The following TENM3 variants were observed in gnomAD, a reference collection of about 807,000 sequenced individuals.
TENM3 encodes teneurin-3.
TENM3 carries 63 observed loss-of-function variants against 255.1 expected under a neutral mutation model. That is an observed-to-expected ratio of 0.25 (90% CI 0.20 to 0.30). TENM3 has a LOEUF of 0.30. Ranked by LOEUF, TENM3 falls within the 10% of genes least tolerant of loss-of-function variation. TENM3 has a pLI of 1.00. For missense variants in TENM3, 2,929 were observed against 3,461.1 expected (o/e 0.85, Z 3.86); for synonymous variants, 1,306 against 1,322.3 (o/e 0.99, Z 0.27).
At chr4:182,719,229 TA>T (rs1313036987) in intron 13 of TENM3, among the ~76,000 whole-genome samples, 1 of 146,662 alleles carries the variant, frequency 6.8e-6, no homozygotes, top group African/African-American at 2.5e-5. Context: ...ATATTACCAG[TA>T]AAATAGAGTT....
At chr4:182,596,305 A>G (rs1445411625) in intron 3 of TENM3, among the ~76,000 whole-genome samples, 1 of 152,214 alleles carries the variant, frequency 6.6e-6, no homozygotes, top group Non-Finnish European at 1.5e-5. Context: ...TTCAACAAGT[A>G]TTTATTGAGT....
the TENM3 span, among the ~76,000 whole-genome samples, chr4:181,767,251 CAAAAAAAAA>C: frequency 4.0e-5 from 3 of 75,728 alleles, no homozygotes; most frequent in African/African-American, 1.5e-4. Context: ...GACTCCGTCT[CAAAAAAAAA>C]AAAAAAAAAA....
At chr4:182,662,198 A>G (rs1337198158) in intron 6 of TENM3, among the ~76,000 whole-genome samples, 1 of 152,208 alleles carries the variant, frequency 6.6e-6, no homozygotes, top group African/African-American at 2.4e-5. Flanking sequence ...AGGAATAACA[A>G]TAGCTTTGCG....
At chr4:182,082,477 A>T in the TENM3 span, among the ~76,000 whole-genome samples, 4 of 152,224 alleles carry the variant, frequency 2.6e-5, no homozygotes, top group Admixed American at 6.5e-5. Context: ...TTTCGCAATT[A>T]TCAACACACA....
chr4:181,856,437 T>C, the TENM3 span, among the ~76,000 whole-genome samples: 1 of 152,116 alleles, frequency 6.6e-6, no homozygotes, highest in Admixed American at 6.5e-5. Flanking sequence ...GTCAACCCAT[T>C]TGAGATTTTA....
intron 4 of TENM3, among the ~76,000 whole-genome samples, chr4:182,625,453 G>A (rs143643188): frequency 3.8e-4 from 58 of 152,282 alleles, no homozygotes; most frequent in Middle Eastern, 3.4e-3. Context: ...ATGATCTGAG[G>A]TGGAAAAGTT....
chr4:181,674,671 A>G, the TENM3 span, among the ~76,000 whole-genome samples: 1 of 152,174 alleles, frequency 6.6e-6, no homozygotes, highest in Admixed American at 6.5e-5. Flanking sequence ...ACAGTTGAGG[A>G]CACAGATGAT....
At chr4:181,535,095 G>A in the TENM3 span, among the ~76,000 whole-genome samples, 1 of 152,232 alleles carries the variant, frequency 6.6e-6, no homozygotes, top group Admixed American at 6.5e-5. Context: ...GTGTGTGGAT[G>A]TCTTAAGTAG....
intron 3 of TENM3, among the ~76,000 whole-genome samples, chr4:182,562,773 G>A (rs141418077): frequency 3.9e-5 from 6 of 152,146 alleles, no homozygotes; most frequent in East Asian, 1.9e-4. Flanking sequence ...AACATGGAGC[G>A]CAACTTCTCA....
intron 3 of TENM3, among the ~76,000 whole-genome samples, chr4:182,524,653 A>T (rs62337258): frequency 0.024 from 3,601 of 151,502 alleles, 48 homozygotes; most frequent in Middle Eastern, 0.041. Flanking sequence ...GAACCGTCAC[A>T]CCCGACCTGA....
upstream of TENM3, among the ~76,000 whole-genome samples, chr4:182,139,226 C>T (rs578034000): frequency 1.1e-4 from 17 of 152,206 alleles, no homozygotes; most frequent in East Asian, 1.7e-3. Flanking sequence ...GCACTGCCAA[C>T]GGGAGGAGAG....
chr4:182,486,381 AAAATATAGGG>A (rs1322304238), intron 3 of TENM3, among the ~76,000 whole-genome samples: 1 of 152,048 alleles, frequency 6.6e-6, no homozygotes, highest in Non-Finnish European at 1.5e-5. Flanking sequence ...AATAAACTTT[AAAATATAGGG>A]AAACAAGGAA....
At chr4:181,537,695 A>T in the TENM3 span, among the ~76,000 whole-genome samples, 8 of 152,234 alleles carry the variant, frequency 5.3e-5, no homozygotes, top group Non-Finnish European at 1.0e-4. Context: ...ACAAAGAACC[A>T]GATAAGCTAA....
At chr4:182,110,618 G>A in the TENM3 span, among the ~76,000 whole-genome samples, 4 of 152,126 alleles carry the variant, frequency 2.6e-5, no homozygotes, top group African/African-American at 4.8e-5. Context: ...GTGCCACTGC[G>A]CTGGACCAGT....
the TENM3 span, among the ~76,000 whole-genome samples, chr4:181,812,605 C>G: frequency 6.6e-6 from 1 of 152,178 alleles, no homozygotes; most frequent in Admixed American, 6.5e-5. Context: ...GCCAATTTCT[C>G]TGCCTTTCCT....
chr4:181,468,358 C>T, the TENM3 span, among the ~76,000 whole-genome samples: 1 of 152,130 alleles, frequency 6.6e-6, no homozygotes, highest in Non-Finnish European at 1.5e-5. Flanking sequence ...GTTTTATTCC[C>T]TTCCTTTATT....
the TENM3 span, among the ~76,000 whole-genome samples, chr4:181,737,539 G>T: frequency 6.6e-6 from 1 of 151,942 alleles, no homozygotes; most frequent in Non-Finnish European, 1.5e-5. Context: ...CTTCTTCAGG[G>T]GGAAAAAAAC....
At chr4:181,741,479 AG>A in the TENM3 span, among the ~76,000 whole-genome samples, 1 of 152,220 alleles carries the variant, frequency 6.6e-6, no homozygotes, top group East Asian at 1.9e-4. Context: ...AGTTAAAAAA[AG>A]GAGCCATATG....
chr4:182,286,902 G>A (rs548040008), intron 1 of TENM3, among the ~76,000 whole-genome samples: 5 of 152,208 alleles, frequency 3.3e-5, no homozygotes, highest in African/African-American at 7.2e-5. Context: ...CAGTCCAGAC[G>A]GAAACTCTTC....
Sources: allele counts gnomAD v4.1 joint callset (sites outside exome capture counted in the v4.1 genomes callset), GRCh38; gene constraint gnomAD v4.1.1; transcripts MANE v1.5; gene names NCBI Gene and HGNC (gene_info 2026-07-23, HGNC 2026-07-21).